The following MAPK4 variants were observed in gnomAD, a reference collection of about 807,000 sequenced individuals.
MAPK4 encodes mitogen-activated protein kinase 4.
MAPK4 carries 22 observed loss-of-function variants against 47.7 expected under a neutral mutation model. The observed-to-expected ratio is 0.46, with a 90% CI of 0.33 to 0.66. MAPK4 has a LOEUF of 0.66. MAPK4 is among the 30% of genes least tolerant of loss of function. MAPK4 has a pLI of 0.02. For synonymous variants in MAPK4, 390 were observed against 365.7 expected, an observed-to-expected ratio of 1.07 and a Z score of -0.76; for missense variants, 736 against 831.7, an observed-to-expected ratio of 0.88 and a Z score of 1.42.
intron 1 of MAPK4, among the ~76,000 whole-genome samples, chr18:50,598,320 A>T (rs746396214): frequency 6.6e-6 from 1 of 152,106 alleles, no homozygotes; most frequent in African/African-American, 2.4e-5. Flanking sequence ...CCAGACAAAC[A>T]GTCCTCCCGC....
intron 2 of MAPK4, among the ~76,000 whole-genome samples, chr18:50,688,889 TAAAAAAAA>T (rs35330620): frequency 3.5e-5 from 4 of 115,924 alleles, no homozygotes; most frequent in Admixed American, 2.8e-4. Flanking sequence ...CCTATGGAAA[TAAAAAAAA>T]AAAAAAAAAA....
chr18:50,668,130 A>G (rs1028596853), intron 2 of MAPK4, among the ~76,000 whole-genome samples: 6 of 152,180 alleles, frequency 3.9e-5, no homozygotes, highest in African/African-American at 1.4e-4. Context: ...ATTTATTATG[A>G]AGGACATTTT....
At chr18:50,702,296 G>C (rs757870110) in intron 2 of MAPK4, among the ~76,000 whole-genome samples, 2 of 151,954 alleles carry the variant, frequency 1.3e-5, no homozygotes, top group African/African-American at 4.8e-5. Context: ...GTGCATGCCT[G>C]TAGTCCCAGC....
At chr18:50,699,836 A>G (rs1439812517) in intron 2 of MAPK4, among the ~76,000 whole-genome samples, 1 of 152,212 alleles carries the variant, frequency 6.6e-6, no homozygotes, top group African/African-American at 2.4e-5. Context: ...TAGTTTTATT[A>G]CAAAGGATTA....
chr18:50,661,026 C>CTCAGCAT (rs2043165969), intron 1 of MAPK4, among the ~76,000 whole-genome samples: 1 of 152,204 alleles, frequency 6.6e-6, no homozygotes, highest in Non-Finnish European at 1.5e-5. Flanking sequence ...TGCAGCTGAT[C>CTCAGCAT]TCAAGCAAAT....
chr18:50,713,814 G>C (rs1244151807), intron 2 of MAPK4, among the ~76,000 whole-genome samples: 4 of 152,184 alleles, frequency 2.6e-5, no homozygotes, highest in Admixed American at 1.3e-4. Context: ...AGTTCATTTT[G>C]GTGAGAGTAT....
chr18:50,599,711 G>T (rs1170567582), intron 1 of MAPK4, among the ~76,000 whole-genome samples: 1 of 152,152 alleles, frequency 6.6e-6, no homozygotes, highest in African/African-American at 2.4e-5. Context: ...GAACCACTGT[G>T]CCTGGCCTGC....
upstream of MAPK4, chr18:50,560,086 C>G (rs1210007183): frequency 1.4e-5 from 2 of 147,896 alleles, no homozygotes; most frequent in Non-Finnish European, 1.5e-5. Context: ...GGGCGGGAGC[C>G]GGAGCCCGAG....
At chr18:50,611,182 G>A (rs772846594) in intron 1 of MAPK4, among the ~76,000 whole-genome samples, 2 of 152,288 alleles carry the variant, frequency 1.3e-5, no homozygotes, top group Non-Finnish European at 2.9e-5. Flanking sequence ...TAGAGTTTGA[G>A]TTCAGGAAAG....
intron 2 of MAPK4, among the ~76,000 whole-genome samples, chr18:50,667,627 T>G (rs368823513): frequency 6.6e-6 from 1 of 152,136 alleles, no homozygotes; most frequent in South Asian, 2.1e-4. Flanking sequence ...GCGAGTGCCT[T>G]TGTGTGGGAC....
chr18:50,636,946 C>G (rs1337356867), intron 1 of MAPK4, among the ~76,000 whole-genome samples: 1 of 152,084 alleles, frequency 6.6e-6, no homozygotes, highest in Non-Finnish European at 1.5e-5. Context: ...ATCAATTTCC[C>G]AACTCCTGTC....
chr18:50,713,645 A>C (rs1432378184), intron 2 of MAPK4, among the ~76,000 whole-genome samples: 1 of 152,226 alleles, frequency 6.6e-6, no homozygotes, highest in Non-Finnish European at 1.5e-5. Flanking sequence ...GGATGCAGAG[A>C]AGTAAAGAAA....
chr18:50,725,886 C>A, intron 4 of MAPK4, 76 bp from the exon 5 acceptor site: 1 of 1,165,266 alleles, frequency 8.6e-7, no homozygotes. Context: ...CACAGAATGT[C>A]ACCGTGCTGA....
chr18:50,584,718 A>G (rs1034759552), intron 1 of MAPK4, among the ~76,000 whole-genome samples: 2 of 152,242 alleles, frequency 1.3e-5, no homozygotes, highest in Non-Finnish European at 2.9e-5. Flanking sequence ...AGTTGGAGTC[A>G]TCTATTCCTT....
At chr18:50,566,264 C>T (rs755793650) in intron 1 of MAPK4, among the ~76,000 whole-genome samples, 2 of 152,192 alleles carry the variant, frequency 1.3e-5, no homozygotes, top group Non-Finnish European at 2.9e-5. Flanking sequence ...ATAAATTTTT[C>T]GAGTTGAGAC....
intron 1 of MAPK4, among the ~76,000 whole-genome samples, chr18:50,566,716 T>C (rs1467306812): frequency 6.6e-6 from 1 of 152,264 alleles, no homozygotes; most frequent in African/African-American, 2.4e-5. Context: ...AATGAGACTA[T>C]TTTATAAAAA....
chr18:50,715,264 C>A, intron 3 of MAPK4, 41 bp downstream of exon 3: 1 of 1,587,492 alleles, frequency 6.3e-7, no homozygotes, highest in South Asian at 1.1e-5. Context: ...CATCTGGCGT[C>A]GTTCCATAGA....
chr18:50,617,132 A>T (rs1364931217), intron 1 of MAPK4, among the ~76,000 whole-genome samples: 1 of 152,166 alleles, frequency 6.6e-6, no homozygotes, highest in Non-Finnish European at 1.5e-5. Context: ...TTGATGAGGG[A>T]ATAATTATTA....
chr18:50,649,580 T>A (rs991437810), intron 1 of MAPK4, among the ~76,000 whole-genome samples: 15 of 152,328 alleles, frequency 9.8e-5, no homozygotes, highest in African/African-American at 3.6e-4. Context: ...TCTTCGTGTG[T>A]GTTCCGTAAG....
Sources: gnomAD v4.1 joint callset for allele counts (sites outside exome capture counted in the v4.1 genomes callset) on GRCh38, gnomAD v4.1.1 for gene constraint, MANE v1.5 for transcripts, NCBI Gene and HGNC (gene_info 2026-07-23, HGNC 2026-07-21) for gene names.